MIPOL1: variants seen among roughly 807,000 people sequenced by gnomAD.
MIPOL1 encodes the protein mirror-image polydactyly gene 1 protein.
Under a neutral mutation model 60.9 loss-of-function variants are expected in MIPOL1, and 57 were observed. The observed-to-expected ratio is 0.94, with a 90% CI of 0.76 to 1.17. The LOEUF is 1.17. Ranked by LOEUF, MIPOL1 falls within the 50% of genes most tolerant of loss-of-function variation. The pLI, the probability that MIPOL1 is intolerant of heterozygous loss-of-function variation, is 0.00. For synonymous variants in MIPOL1, 179 were observed against 168.8 expected, an observed-to-expected ratio of 1.06 and a Z score of -0.47; for missense variants, 551 against 511.6, an observed-to-expected ratio of 1.08 and a Z score of -0.74.
chr14:37,510,929 G>A (rs1412252106), intron 12 of MIPOL1, among the ~76,000 whole-genome samples: 4 of 151,950 alleles, frequency 2.6e-5, no homozygotes, highest in Non-Finnish European at 2.9e-5. Context: ...TTCACTCTCC[G>A]AGGAGCTGGC....
In MIPOL1 at chr14:37,319,867, A is replaced by G. The variant is rs77467175; in HGVS notation, c.828+11348A>G. Reference sequence around the variant, plus strand: ...TTTCTGTCTCCATGGGTCATTTTGCATGTTTTAAAACTTCATATAAAAGGA... The same window carrying G: ...TTTCTGTCTCCATGGGTCATTTTGCGTGTTTTAAAACTTCATATAAAAGGA... On this transcript the variant is annotated intron_variant, in intron 9 of 12. Transcript: ENST00000684589. Among the ~76,000 whole-genome samples the G allele has an allele frequency of 8.7e-3, 1,321 of 152,158 alleles. 5 individuals carry two copies. Among genetic ancestry groups the G allele is most frequent in the Non-Finnish European group, 0.015 (999 of 67,976 alleles).
intron 1 of MIPOL1, among the ~76,000 whole-genome samples, chr14:37,234,263 A>ATT (rs201446881): frequency 6.9e-6 from 1 of 145,806 alleles, no homozygotes; most frequent in African/African-American, 2.5e-5. Context: ...GGTCACGACA[A>ATT]TTTTTTTTTT....
intron 6 of MIPOL1, chr14:37,278,305 T>G (rs1267364096): frequency 6.6e-6 from 1 of 151,646 alleles, no homozygotes; most frequent in East Asian, 1.9e-4. Flanking sequence ...TTACAATTAT[T>G]AAGGAAATTA....
chr14:37,336,102 A>G (rs1474477261), intron 9 of MIPOL1, among the ~76,000 whole-genome samples: 1 of 81,116 alleles, frequency 1.2e-5, no homozygotes, highest in Non-Finnish European at 2.2e-5. Flanking sequence ...GTCCAAATTC[A>G]TGGTTTTTTT....
intron 12 of MIPOL1, among the ~76,000 whole-genome samples, chr14:37,512,008 T>C (rs776718572): frequency 2.6e-5 from 4 of 152,228 alleles, no homozygotes; most frequent in Admixed American, 6.5e-5. Flanking sequence ...AAATCCATTA[T>C]TTAAAATTTA....
At chr14:37,328,241 C>T (rs2089358243) in intron 9 of MIPOL1, among the ~76,000 whole-genome samples, 3 of 152,048 alleles carry the variant, frequency 2.0e-5, no homozygotes, top group Admixed American at 2.0e-4. Context: ...TCTTGAACTC[C>T]TGACCTCGGG....
At chr14:37,330,769 T>C (rs1225475874) in intron 9 of MIPOL1, among the ~76,000 whole-genome samples, 11 of 149,324 alleles carry the variant, frequency 7.4e-5, no homozygotes. Flanking sequence ...TTCTACCCTG[T>C]CCTTCTTTTA....
rs534153164 is a variant in MIPOL1, at chr14:37,373,432, G to T, written c.936+3808G>T. On this transcript the variant is annotated intron_variant, in intron 10 of 12. Coordinates refer to ENST00000684589, the MANE Select transcript of MIPOL1 (RefSeq NM_001388067.1). ...TTTAAATTATACTTTAAGTTCTGGG[G>T]TACATGTGCAGAACATGAGGGTTTG... Among the ~76,000 whole-genome samples, 61 of 151,294 alleles carry T rather than the reference G, an allele frequency of 4.0e-4. No individual in the cohort carries two copies. The Middle Eastern group carries it at 0.01, about 25-fold the overall frequency.
At chr14:37,512,608 AT>A (rs1054435786) in intron 12 of MIPOL1, among the ~76,000 whole-genome samples, 25 of 151,566 alleles carry the variant, frequency 1.6e-4, no homozygotes, top group East Asian at 1.2e-3. Flanking sequence ...GCCTCAGTGA[AT>A]TTTTTTTTAT....
At chr14:37,532,239 T>A (rs1392105596) in intron 12 of MIPOL1, among the ~76,000 whole-genome samples, 1 of 152,188 alleles carries the variant, frequency 6.6e-6, no homozygotes, top group Admixed American at 6.5e-5. Context: ...TAAATAAATT[T>A]GAACATAAGT....
intron 9 of MIPOL1, among the ~76,000 whole-genome samples, chr14:37,368,221 G>T (rs1360202531): frequency 6.6e-6 from 1 of 151,978 alleles, no homozygotes; most frequent in Non-Finnish European, 1.5e-5. Flanking sequence ...ATTTTTAAGT[G>T]TGTTTTGATT....
intron 11 of MIPOL1, among the ~76,000 whole-genome samples, chr14:37,453,990 C>G (rs1348717095): frequency 6.6e-6 from 1 of 152,180 alleles, no homozygotes; most frequent in Non-Finnish European, 1.5e-5. Context: ...TTTAAATAAT[C>G]TGGTCATTTT....
chr14:37,315,159 G>T (rs767459240), intron 9 of MIPOL1, among the ~76,000 whole-genome samples: 17 of 152,130 alleles, frequency 1.1e-4, no homozygotes, highest in Admixed American at 7.9e-4. Flanking sequence ...GTTGCTCTAA[G>T]ACTTGAAGAC....
intron 10 of MIPOL1, among the ~76,000 whole-genome samples, chr14:37,381,809 G>A (rs924029766): frequency 1.3e-5 from 2 of 151,278 alleles, no homozygotes; most frequent in African/African-American, 2.4e-5. Context: ...AGGCTGGTCT[G>A]GAACTCCTGA....
At chr14:37,328,991 T>C (rs2153452565) in intron 9 of MIPOL1, among the ~76,000 whole-genome samples, 1 of 152,130 alleles carries the variant, frequency 6.6e-6, no homozygotes, top group South Asian at 2.1e-4. Context: ...CCAGAGATGA[T>C]GAAAGTACAA....
At chr14:37,417,125 G>A (rs1431413742) in intron 10 of MIPOL1, among the ~76,000 whole-genome samples, 3 of 152,032 alleles carry the variant, frequency 2.0e-5, no homozygotes, top group African/African-American at 7.2e-5. Context: ...GTGAAGGCAG[G>A]GTGGGACCCC....
At chr14:37,212,990 G>C (rs573879978) in intron 1 of MIPOL1, among the ~76,000 whole-genome samples, 2 of 152,256 alleles carry the variant, frequency 1.3e-5, no homozygotes, top group East Asian at 3.9e-4. Context: ...ACCTATGTGA[G>C]TCTGCAAGAA....
chr14:37,499,802 A>AT, intron 11 of MIPOL1, 106 bp from the exon 12 acceptor site: 1 of 513,946 alleles, frequency 1.9e-6, no homozygotes, highest in East Asian at 3.0e-5. Flanking sequence ...TTAAGTATTT[A>AT]TTGATTTTTA....
intron 7 of MIPOL1, among the ~76,000 whole-genome samples, chr14:37,291,590 A>G (rs2153417009): frequency 6.6e-6 from 1 of 151,718 alleles, no homozygotes; most frequent in Admixed American, 6.6e-5. Context: ...GGGTAGGAAA[A>G]TTTTCTTCTT....
Sources: gnomAD v4.1 joint callset for allele counts (sites outside exome capture counted in the v4.1 genomes callset) on GRCh38, gnomAD v4.1.1 for gene constraint, MANE v1.5 for transcripts, NCBI Gene and HGNC (gene_info 2026-07-23, HGNC 2026-07-21) for gene names.